The following RSRC1 variants were observed in gnomAD, a reference collection of about 807,000 sequenced individuals.
RSRC1 encodes arginine and serine rich coiled-coil 1, also known as serine/Arginine-related protein 53.
In RSRC1, 39 loss-of-function variants were observed where a neutral mutation model predicts 49.1. That is an observed-to-expected ratio of 0.79 (90% CI 0.61 to 1.04). The LOEUF is 1.04. Ranked by LOEUF, RSRC1 falls within the 50% of genes least tolerant of loss-of-function variation. RSRC1 has a pLI of 0.00. For synonymous variants in RSRC1, 143 were observed against 130.8 expected (o/e 1.09, Z -0.63); for missense variants, 388 against 402.4 (o/e 0.96, Z 0.31).
chr3:158,316,201 A>C lies in RSRC1; in HGVS notation c.531+18126A>C, dbSNP rs974214169. On this transcript the variant is annotated intron_variant, in intron 5 of 9. Transcript: ENST00000611884. The stretch of plus-strand genomic sequence containing the variant: ...AAAAAAAAAAGCTGATAATAAAAAG[A>C]AAGTATTTAACAAACAATTCTTAGA... 2.6e-5 allele frequency among the ~76,000 whole-genome samples: 4 copies of C among 152,140 alleles called. No individual in the cohort carries two copies. The South Asian group carries it at 8.3e-4, about 32-fold the overall frequency.
At chr3:158,272,200 T>C (rs1035541130) in intron 4 of RSRC1, among the ~76,000 whole-genome samples, 1 of 152,118 alleles carries the variant, frequency 6.6e-6, no homozygotes, top group Non-Finnish European at 1.5e-5. Context: ...TGCACAACTT[T>C]TTGTGTGAGT....
chr3:158,529,287 C>A (rs114529946), intron 7 of RSRC1, among the ~76,000 whole-genome samples: 7 of 150,100 alleles, frequency 4.7e-5, no homozygotes, highest in African/African-American at 1.7e-4. Context: ...CATTAAAATG[C>A]AGAATAAGGA....
intron 4 of RSRC1, among the ~76,000 whole-genome samples, chr3:158,257,968 G>C (rs892825936): frequency 6.6e-6 from 1 of 151,968 alleles, no homozygotes; most frequent in Non-Finnish European, 1.5e-5. Flanking sequence ...TTTTAACCTT[G>C]TCCTGTCTCT....
chr3:158,386,631 A>G (rs939731639), intron 6 of RSRC1, among the ~76,000 whole-genome samples: 2 of 151,986 alleles, frequency 1.3e-5, no homozygotes, highest in African/African-American at 4.8e-5. Context: ...TATTGGGGGG[A>G]AAAGGCAGTT....
At chr3:158,426,013 T>G (rs1239626564) in intron 6 of RSRC1, among the ~76,000 whole-genome samples, 1 of 151,674 alleles carries the variant, frequency 6.6e-6, no homozygotes, top group African/African-American at 2.4e-5. Flanking sequence ...GGACTTGTTA[T>G]TACATATAAG....
At chr3:158,363,764 T>C (rs1425357974) in intron 6 of RSRC1, among the ~76,000 whole-genome samples, 1 of 152,232 alleles carries the variant, frequency 6.6e-6, no homozygotes, top group Non-Finnish European at 1.5e-5. Flanking sequence ...GATTAAAGCA[T>C]CATTTAGGAA....
Position 158,380,900 on chromosome 3 carries a change from TAAAC to T in RSRC1, c.583+25995_583+25998del, listed in dbSNP as rs1732662513. On this transcript the variant is annotated intron_variant, in intron 6 of 9. Coordinates refer to ENST00000611884, the MANE Select transcript of RSRC1 (RefSeq NM_001271838.2). ...AATATTACTGTGTTCTGTTAACCCT[TAAAC>T]AACATGTGTTTAAACTGTATGGGTC... Among the ~76,000 whole-genome samples the T allele has an allele frequency of 2.0e-5, 3 of 152,306 alleles. No homozygotes were observed. In the South Asian group the frequency reaches 6.2e-4, roughly 32 times the overall value.
intron 6 of RSRC1, among the ~76,000 whole-genome samples, chr3:158,386,465 C>T (rs888081929): frequency 1.3e-5 from 2 of 151,950 alleles, no homozygotes; most frequent in Admixed American, 1.3e-4. Context: ...AACAAGATTT[C>T]CACCTTAAAA....
Position 158,369,319 on chromosome 3 carries a change from T to G in RSRC1, c.583+14411T>G, listed in dbSNP as rs369322942. ...GATTCAATTCTAAAATATGTGCACATTGCCAAGAAGGAACTGTCACCTGTC... is the reference window on the plus strand; with the variant it reads ...GATTCAATTCTAAAATATGTGCACAGTGCCAAGAAGGAACTGTCACCTGTC... On this transcript the variant is annotated intron_variant, in intron 6 of 9. Coordinates refer to ENST00000611884, the MANE Select transcript of RSRC1 (RefSeq NM_001271838.2). Among the ~76,000 whole-genome samples the G allele has an allele frequency of 7.2e-5, 11 of 152,234 alleles. No individual in the cohort carries two copies. The South Asian group carries it at 1.0e-3, about 14-fold the overall frequency.
chr3:158,463,238 A>G (rs1737711568), intron 7 of RSRC1, among the ~76,000 whole-genome samples: 1 of 152,098 alleles, frequency 6.6e-6, no homozygotes, highest in African/African-American at 2.4e-5. Flanking sequence ...ATGTCAAAAT[A>G]CTGTCAAAAT....
intron 5 of RSRC1, chr3:158,303,158 CTAT>C (rs1350736029): frequency 6.6e-6 from 1 of 152,130 alleles, no homozygotes; most frequent in Non-Finnish European, 1.5e-5. Flanking sequence ...GACAATACAG[CTAT>C]TATTATTTTA....
intron 3 of RSRC1, among the ~76,000 whole-genome samples, chr3:158,130,875 T>C (rs1387279102): frequency 3.3e-5 from 5 of 152,184 alleles, no homozygotes; most frequent in African/African-American, 9.6e-5. Flanking sequence ...TCCACTCTTA[T>C]TAGCTCTAGC....
chr3:158,223,629 C>T (rs1722350635), intron 4 of RSRC1, among the ~76,000 whole-genome samples: 1 of 147,550 alleles, frequency 6.8e-6, no homozygotes, highest in African/African-American at 2.5e-5. Context: ...CCCCATAATC[C>T]ATTATCCACA....
At chr3:158,354,528 T>C (rs527573713) in intron 5 of RSRC1, among the ~76,000 whole-genome samples, 1 of 152,328 alleles carries the variant, frequency 6.6e-6, no homozygotes, top group East Asian at 1.9e-4. Context: ...TGCCTGTTTC[T>C]ATGTGCAAAG....
At position 158,529,073 on chromosome 3, in the gene RSRC1, G is replaced by GAT. The variant is rs140040257; in HGVS notation, c.653-8006_653-8005dup. On this transcript the variant is annotated intron_variant, in intron 7 of 9. Coordinates refer to ENST00000611884, the MANE Select transcript of RSRC1 (RefSeq NM_001271838.2). ...TCATTTACAAAGGTTTTCTAGATGT[G>GAT]ATATATATATATATCCCTTTAAAAA... 6.1e-4 allele frequency among the ~76,000 whole-genome samples: 91 copies of GAT among 150,020 alleles called. 1 individual carries two copies. The highest frequency in any genetic ancestry group is 1.8e-3 in the African/African-American group (74 of 41,016).
intron 3 of RSRC1, among the ~76,000 whole-genome samples, chr3:158,157,484 G>A (rs1169986846): frequency 6.6e-6 from 1 of 152,162 alleles, no homozygotes; most frequent in Non-Finnish European, 1.5e-5. Flanking sequence ...ACAGTTAAAT[G>A]TCTTTGGTGT....
chr3:158,241,158 C>G (rs1330619761), intron 4 of RSRC1, among the ~76,000 whole-genome samples: 1 of 152,036 alleles, frequency 6.6e-6, no homozygotes, highest in Non-Finnish European at 1.5e-5. Context: ...ATTAAAAATG[C>G]CAGCAGTGGC....
chr3:158,218,409 G>T (rs115045968), intron 4 of RSRC1, among the ~76,000 whole-genome samples: 409 of 151,764 alleles, frequency 2.7e-3, no homozygotes, highest in Non-Finnish European at 5.3e-3. Flanking sequence ...TGTATTTAAT[G>T]ATAGGTTTGA....
intron 5 of RSRC1, among the ~76,000 whole-genome samples, chr3:158,317,848 C>T (rs1327097059): frequency 6.6e-6 from 1 of 152,166 alleles, no homozygotes; most frequent in Non-Finnish European, 1.5e-5. Context: ...GCATGAGCCA[C>T]CGTGCCTGGC....
Sources: gnomAD v4.1 joint callset for allele counts (sites outside exome capture counted in the v4.1 genomes callset) on GRCh38, gnomAD v4.1.1 for gene constraint, MANE v1.5 for transcripts, NCBI Gene and HGNC (gene_info 2026-07-23, HGNC 2026-07-21) for gene names.